Variants in CSF2RA observed in about 807,000 individuals in gnomAD.
CSF2RA encodes the protein colony stimulating factor 2 receptor subunit alpha.
CSF2RA carries 42 observed loss-of-function variants against 51.6 expected under a neutral mutation model. The observed-to-expected ratio is 0.81, with a 90% CI of 0.64 to 1.05. CSF2RA has a LOEUF of 1.05. Among genes scored for constraint, CSF2RA ranks in the 50% least tolerant of loss-of-function variants. The pLI, the probability that CSF2RA is intolerant of heterozygous loss-of-function variation, is 0.00. For missense variants in CSF2RA, 530 were observed against 501.1 expected (o/e 1.06, Z -0.55); for synonymous variants, 222 against 193.0 (o/e 1.15, Z -1.24).
At chrX:1,276,709 C>T (rs1450816533) in intron 2 of CSF2RA, among the ~76,000 whole-genome samples, 6 of 151,856 alleles carry the variant, frequency 4.0e-5, no homozygotes, top group African/African-American at 1.5e-4. Context: ...CAAAATATGT[C>T]AAGTAAATAT....
At chrX:1,317,709 G>C in the CSF2RA span, among the ~76,000 whole-genome samples, 1 of 151,586 alleles carries the variant, frequency 6.6e-6, no homozygotes, top group African/African-American at 2.4e-5. Context: ...GAAGACCCAC[G>C]CTCCCAGGGA....
At chrX:1,303,729 A>AGGTTTCCTTGT (rs1491178351) in intron 10 of CSF2RA, among the ~76,000 whole-genome samples, 194 bp from the exon 11 acceptor site, 78 of 152,326 alleles carry the variant, frequency 5.1e-4, no homozygotes, top group Non-Finnish European at 9.8e-4. Context: ...GGCAAAACAT[A>AGGTTTCCTTGT]GGGCAGGCAG....
At chrX:1,269,678 G>C (rs1224969647) in intron 1 of CSF2RA, among the ~76,000 whole-genome samples, 1 of 151,914 alleles carries the variant, frequency 6.6e-6, no homozygotes, top group South Asian at 2.1e-4. Flanking sequence ...AGAGCTGAAA[G>C]GGGGAGGGAG....
chrX:1,300,543 C>G lies in CSF2RA; in HGVS notation c.863C>G (p.Pro288Arg). Residue 288 changes from proline to arginine, a missense_variant, in exon 10 of 13, where the codon CCC becomes CGC. Coordinates refer to ENST00000381529, the MANE Select transcript of CSF2RA (RefSeq NM_172245.4). ...AGATACAACTTTCCAAGCTCTGAGCCCAGAGCAAAACACAGTGTGAAGATC... is the reference window on the plus strand; with the variant it reads ...AGATACAACTTTCCAAGCTCTGAGCGCAGAGCAAAACACAGTGTGAAGATC... The part of the protein sequence containing the change: ...ENRYNFPSSE[P>R]RAKHSVKIRA... 6.2e-7 allele frequency: 1 copy of G among 1,613,828 alleles called. No individual in the cohort carries two copies. The highest frequency in any genetic ancestry group is 8.5e-7 in the Non-Finnish European group (1 of 1,179,806).
At chrX:1,324,830 C>T in the CSF2RA span, among the ~76,000 whole-genome samples, 6,107 of 152,096 alleles carry the variant, frequency 0.04, 437 homozygotes, top group African/African-American at 0.14. Context: ...TGTCCTCACC[C>T]GGAGGTGCAG....
chrX:1,308,638 C>A (rs1237485405), intron 12 of CSF2RA, among the ~76,000 whole-genome samples: 1 of 152,098 alleles, frequency 6.6e-6, no homozygotes, highest in Non-Finnish European at 1.5e-5. Context: ...TCCTGGTTGC[C>A]ACTTGCACAC....
At chrX:1,300,298 A>G (rs774466613) in intron 9 of CSF2RA, 193 bp from the exon 10 acceptor site, 1 of 643,716 alleles carries the variant, frequency 1.6e-6, no homozygotes, top group East Asian at 2.8e-5. Flanking sequence ...TCCCATCGAA[A>G]TACTAACGAG....
intron 12 of CSF2RA, among the ~76,000 whole-genome samples, chrX:1,308,121 G>C (rs1168065384): frequency 2.0e-5 from 3 of 152,058 alleles, no homozygotes; most frequent in Non-Finnish European, 4.4e-5. Flanking sequence ...ACATTCTCCA[G>C]TCCAATCTCT....
chrX:1,317,777 T>C, the CSF2RA span, among the ~76,000 whole-genome samples: 1 of 151,614 alleles, frequency 6.6e-6, no homozygotes, highest in African/African-American at 2.4e-5. Context: ...GGGGCTTGGA[T>C]CTTCTCTCCT....
chrX:1,288,459 G>T, intron 4 of CSF2RA, 60 bp from the exon 5 acceptor site: 1 of 1,612,582 alleles, frequency 6.2e-7, no homozygotes, highest in Non-Finnish European at 8.5e-7. Context: ...TCCAGCCTGG[G>T]AGACTGTAGG....
intron 9 of CSF2RA, 135 bp from the exon 10 acceptor site, chrX:1,300,356 A>C (rs28422107): frequency 2.7e-6 from 3 of 1,095,074 alleles, no homozygotes; most frequent in African/African-American, 3.2e-5. Context: ...AAGTGCATTC[A>C]GAGTGGTAGA....
chrX:1,301,350 AAAAAG>A (rs1569509684), intron 10 of CSF2RA, among the ~76,000 whole-genome samples: 2 of 146,824 alleles, frequency 1.4e-5, no homozygotes, highest in Admixed American at 6.7e-5. Flanking sequence ...AAAAAAAAAA[AAAAAG>A]AAAAAGTAGA....
intron 4 of CSF2RA, among the ~76,000 whole-genome samples, chrX:1,287,019 T>C (rs1245903537): frequency 6.6e-6 from 1 of 151,750 alleles, no homozygotes; most frequent in Non-Finnish European, 1.5e-5. Context: ...GGATGATCGA[T>C]AGATAGGTGA....
the CSF2RA span, among the ~76,000 whole-genome samples, chrX:1,316,003 G>GATAT: frequency 7.6e-5 from 3 of 39,678 alleles, no homozygotes; most frequent in South Asian, 4.5e-4. Context: ...TGGATAGACA[G>GATAT]ATAGATAGAT....
intron 7 of CSF2RA, among the ~76,000 whole-genome samples, chrX:1,291,362 C>T (rs1464903108): frequency 6.7e-6 from 1 of 148,326 alleles, no homozygotes; most frequent in Non-Finnish European, 1.5e-5. Context: ...TCCCTCCCTC[C>T]CTCTCTCCCT....
chrX:1,303,600 T>C (rs1484792614), intron 10 of CSF2RA, among the ~76,000 whole-genome samples: 1 of 152,116 alleles, frequency 6.6e-6, no homozygotes, highest in Non-Finnish European at 1.5e-5. Context: ...GGTCTCGAAC[T>C]CCCAACCTCA....
In CSF2RA at chrX:1,285,915, C is replaced by T. The variant is rs139106796; in HGVS notation, c.214C>T (p.Pro72Ser). ...TGACAAGAAGAACAGAGTCGTGGAA[C>T]CCAGGGTGAGACGAATTTCCCATTC... ...LTDKKNRVVE[P>S]RLSNNECSCT... The change falls in exon 4 of 13, where the codon CCC becomes TCC. Residue 72 changes from proline (P) to serine (S), a missense_variant. Pro to Ser is a moderately conservative substitution (Grantham distance 74). Transcript: ENST00000381529. The T allele has an allele frequency of 1.2e-6, 2 of 1,613,834 alleles. No homozygotes were observed. The highest frequency in any genetic ancestry group is 1.7e-5 in the Admixed American group (1 of 59,970).
chrX:1,282,837 C>A, intron 3 of CSF2RA, 58 bp downstream of exon 3: 1 of 1,415,706 alleles, frequency 7.1e-7, no homozygotes, highest in Non-Finnish European at 1.0e-6. Flanking sequence ...TGTCCTGCAT[C>A]TGGAGACCCA....
chrX:1,323,279 C>T, the CSF2RA span, among the ~76,000 whole-genome samples: 11 of 151,102 alleles, frequency 7.3e-5, no homozygotes, highest in African/African-American at 2.2e-4. Context: ...TTTGGGAGGC[C>T]GAGGCGGGCG....
Sources: gnomAD v4.1 joint callset for allele counts (sites outside exome capture counted in the v4.1 genomes callset) on GRCh38, gnomAD v4.1.1 for gene constraint, MANE v1.5 for transcripts, NCBI Gene and HGNC (gene_info 2026-07-23, HGNC 2026-07-21) for gene names.